Variants in NBEAL2 observed in about 807,000 individuals in gnomAD.
NBEAL2 encodes neurobeachin like 2.
A neutral mutation model predicts 299.8 loss-of-function variants in NBEAL2; 160 were observed. The ratio of observed to expected loss-of-function variants is 0.53; its 90% CI spans 0.47 to 0.61. NBEAL2 has a LOEUF of 0.61. NBEAL2 is among the 20% of genes least tolerant of loss of function. The probability of loss-of-function intolerance (pLI) is 0.00; values close to 1 mark genes in which losing one functional copy is unlikely to be tolerated. For synonymous variants in NBEAL2, 1,493 were observed against 1,542.3 expected, an observed-to-expected ratio of 0.97 and a Z score of 0.75; for missense variants, 3,112 against 3,649.0, an observed-to-expected ratio of 0.85 and a Z score of 3.79.
At position 47,005,384 on chromosome 3, in the gene NBEAL2, C is replaced by T; in HGVS notation, c.6560+63C>T. 2.5e-6 allele frequency: 4 copies of T among 1,575,948 alleles called. No individual in the cohort carries two copies. The South Asian group carries it at 4.6e-5, about 18-fold the overall frequency. On this transcript the variant is annotated intron_variant, in intron 40 of 53. Transcript: ENST00000450053. ...ATAAGGGGAGGAGGCTGGTCCTCCCCACATCCTGGGCCCACCCCTGGCTCC... is the reference window on the plus strand; with the variant it reads ...ATAAGGGGAGGAGGCTGGTCCTCCCTACATCCTGGGCCCACCCCTGGCTCC...
In NBEAL2 at chr3:46,999,397, G is replaced by T. The variant is rs1049164374; in HGVS notation, c.3626G>T (p.Gly1209Val). 8 of 1,602,876 alleles carry T rather than the reference G, an allele frequency of 5.0e-6. No individual in the cohort carries two copies. In the African/African-American group the frequency reaches 1.1e-4, roughly 21 times the overall value. ...CGGCTGCGGGAGTGTGGTCTCCAGG[G>T]TCTGGTTGCCTGCTTGCCTGAGGGG... The part of the protein sequence containing the change: ...RLRLRECGLQ[G>V]LVACLPEGTV... The change falls in exon 25 of 54, where the codon GGT (glycine) becomes GTT (valine). Residue 1209 changes from glycine to valine, a missense_variant. By Grantham distance (109) the Gly-to-Val change is moderately radical (BLOSUM62 -3). Transcript: ENST00000450053.
At chr3:46,997,744 C>A in intron 20 of NBEAL2, 50 bp downstream of exon 20, 1 of 1,439,812 alleles carries the variant, frequency 6.9e-7, no homozygotes, top group Non-Finnish European at 9.1e-7. Flanking sequence ...GTCAGCCTGT[C>A]TGACCGAGGG....
In NBEAL2 at chr3:46,991,715, G is replaced by A; in HGVS notation, c.925+27G>A. 2 of 1,585,204 alleles carry A rather than the reference G, an allele frequency of 1.3e-6. No homozygotes were observed. The highest frequency in any genetic ancestry group is 1.7e-6 in the Non-Finnish European group (2 of 1,169,950). On this transcript the variant is annotated intron_variant, in intron 8 of 53. Transcript: ENST00000450053. The surrounding 1 kb of genome is among the most constrained non-coding windows in gnomAD (Gnocchi z 6.2). ...TGGGTATGGGCTCCCAGGCTCTTGG[G>A]GAAGGGGCACCATGAGGGAAAAGCC...
rs757912836 is a variant in NBEAL2, at chr3:46,995,262, G to A, written c.1527G>A (p.Glu509=). Residue 509 remains glutamate, a synonymous_variant, in exon 13 of 54, where the codon GAG becomes GAA. Transcript: ENST00000450053. ...CACTCAGCACAGGGCTAGCCCTGGA[G>A]GCCCGCTGCCAAGAGCAGCTGCTGG... ...LETLSTGLAL[E]ARCQEQLLAL... The A allele has an allele frequency of 5.8e-6, 9 of 1,559,612 alleles. No homozygotes were observed. The highest frequency in any genetic ancestry group is 6.9e-6 in the Non-Finnish European group (8 of 1,152,522).
At chr3:46,985,781 A>G (rs1372972818) in intron 1 of NBEAL2, among the ~76,000 whole-genome samples, 1 of 152,106 alleles carries the variant, frequency 6.6e-6, no homozygotes, top group Non-Finnish European at 1.5e-5. Context: ...TGACCCAGTT[A>G]GGTTGGGGCA....
rs2035840653 is a variant in NBEAL2 at position 46,988,522 on chromosome 3, C to T, written c.52-147C>T. 4 of 405,674 alleles carry T rather than the reference C, an allele frequency of 9.9e-6. 1 individual carries two copies. The highest frequency in any genetic ancestry group is 9.2e-5 in the South Asian group (4 of 43,426). 25.1% of individuals were successfully genotyped at this position (405,674 alleles called of 1,614,324 possible). On this transcript the variant is annotated intron_variant, in intron 1 of 53. Coordinates refer to ENST00000450053, the MANE Select transcript of NBEAL2 (RefSeq NM_015175.3). This position sits in a 1 kb window ranked among gnomAD's most constrained non-coding sequence, Gnocchi z 4.4. The stretch of plus-strand genomic sequence containing the variant: ...CTCCCCCGTCCCCCACTCCCCTTCT[C>T]CACACCCTCCACTCTGCCTTTAACC...
chr3:47,005,935 C>T lies in NBEAL2; in HGVS notation c.6802-11C>T, dbSNP rs1270965229. 7 of 1,613,356 alleles carry T rather than the reference C, an allele frequency of 4.3e-6. No individual in the cohort carries two copies. The highest frequency in any genetic ancestry group is 5.9e-6 in the Non-Finnish European group (7 of 1,179,746). On this transcript the variant is annotated splice_polypyrimidine_tract_variant and intron_variant, in intron 42 of 53. Transcript: ENST00000450053. ...CTGTCCCTGCACTGATTGCTGCCTC[C>T]CTACTCTCAGGAGTCGGAGTATGTG...
chr3:47,004,506 G>A lies in NBEAL2; in HGVS notation c.6210G>A (p.Gln2070=). Reference sequence around the variant, plus strand: ...GCCCCTGTCCCCAGAAATGGGTACAGCGTGAGATATCCAACTTCGAGTACT... The same window carrying A: ...GCCCCTGTCCCCAGAAATGGGTACAACGTGAGATATCCAACTTCGAGTACT... ...RASGLTQKWV[Q]REISNFEYLM... The change falls in exon 38 of 54, where the codon CAG becomes CAA. Residue 2070 remains glutamine (Q), a synonymous_variant. Transcript: ENST00000450053. This position sits in a 1 kb window ranked among gnomAD's most constrained non-coding sequence, Gnocchi z 5.0. The A allele has an allele frequency of 6.2e-7, 1 of 1,613,794 alleles. No homozygotes were observed.
At chr3:46,992,001 C>T in intron 9 of NBEAL2, 55 bp downstream of exon 9, 1 of 1,434,182 alleles carries the variant, frequency 7.0e-7, no homozygotes, top group Non-Finnish European at 9.6e-7. Context: ...CTAGGGGAGC[C>T]ACGCATAGGT....
intron 50 of NBEAL2, 23 bp downstream of exon 50, chr3:47,008,209 G>A (rs1392463410): frequency 6.2e-7 from 1 of 1,613,612 alleles, no homozygotes; most frequent in African/African-American, 1.3e-5. Flanking sequence ...ATGTGCCCTG[G>A]GGAGGGTGAG....
rs6798959 is a variant in NBEAL2 at position 47,004,732 on chromosome 3, T to C, written c.6294+142T>C. 21 of 399,586 alleles carry C rather than the reference T, an allele frequency of 5.3e-5. No individual in the cohort carries two copies. Among genetic ancestry groups the C allele is most frequent in the South Asian group, 1.2e-4 (3 of 25,998 alleles). The allele number at this position is 399,586 out of a possible 1,614,324, so 24.8% of individuals were successfully genotyped here. A position where few individuals can be genotyped will look rare whatever the true frequency, so the allele number is the denominator to read the frequency against. Reference sequence around the variant, plus strand: ...GTGCCAATGAAGACCTGGCCTCTGTTCCCTGCCAACCCCCAGAGGTCCCCA... The same window carrying C: ...GTGCCAATGAAGACCTGGCCTCTGTCCCCTGCCAACCCCCAGAGGTCCCCA... On this transcript the variant is annotated intron_variant, in intron 38 of 53. Coordinates refer to ENST00000450053, the MANE Select transcript of NBEAL2 (RefSeq NM_015175.3). This position sits in a 1 kb window ranked among gnomAD's most constrained non-coding sequence, Gnocchi z 5.0.
chr3:47,009,447 G>GCTCAGGGATTGGCGGGCGATGTTACCCC lies in NBEAL2; in HGVS notation c.*146_*173dup, dbSNP rs771350275. Reference sequence around the variant, plus strand: ...GGGTGAGCGGGGCCCACCCTGCCCAGCTCAGGGATTGGCGGGCGATGTTAC... The same window carrying GCTCAGGGATTGGCGGGCGATGTTACCCC: ...GGGTGAGCGGGGCCCACCCTGCCCAGCTCAGGGATTGGCGGGCGATGTTACCCCCTCAGGGATTGGCGGGCGATGTTAC... On this transcript the variant is annotated 3_prime_UTR_variant, in exon 54 of 54. Coordinates refer to ENST00000450053, the MANE Select transcript of NBEAL2 (RefSeq NM_015175.3). 2 of 867,806 alleles carry GCTCAGGGATTGGCGGGCGATGTTACCCC rather than the reference G, an allele frequency of 2.3e-6. No individual in the cohort carries two copies. Among genetic ancestry groups the GCTCAGGGATTGGCGGGCGATGTTACCCC allele is most frequent in the Admixed American group, 2.5e-5 (1 of 40,376 alleles). 53.8% of individuals were successfully genotyped at this position (867,806 alleles called of 1,614,324 possible).
Position 46,997,286 on chromosome 3 carries a change from G to C in NBEAL2, c.2677G>C (p.Gly893Arg). 6.2e-7 allele frequency: 1 copy of C among 1,612,826 alleles called. No homozygotes were observed. The highest frequency in any genetic ancestry group is 1.7e-5 in the Admixed American group (1 of 60,000). The stretch of plus-strand genomic sequence containing the variant: ...TGTGGTGAACTGCGTTGGGGGTATG[G>C]GTGCCCTGCTGCCCCTGCTGGAGCG... ...KDVVNCVGGM[G>R]ALLPLLERVA... is the part of the protein sequence containing the mutation. Residue 893 changes from glycine (G) to arginine (R), a missense_variant, in exon 19 of 54, where the codon GGT becomes CGT. By Grantham distance (125) the Gly-to-Arg change is moderately radical (BLOSUM62 -2). This residue lies in a region of NBEAL2 where 2,243 missense variants were observed against 2,538.1 expected (regional missense o/e 0.88). Transcript: ENST00000450053.
chr3:46,995,772 G>A lies in NBEAL2; in HGVS notation c.1957G>A (p.Val653Met), dbSNP rs2036451573. The change falls in exon 14 of 54, where the codon GTG becomes ATG. Residue 653 changes from valine to methionine, a missense_variant. Physicochemically the swap from Val to Met is conservative, Grantham distance 21 (BLOSUM62 1). Transcript: ENST00000450053. Reference protein sequence around the residue: ...EAFFTAAGTLVVAVCTRKEYL... With the variant: ...EAFFTAAGTLMVAVCTRKEYL... ...CTTCTTCACGGCGGCCGGGACCCTG[G>A]TGGTGGCTGTGTGCACACGGAAGGA... 5 of 1,613,768 alleles carry A rather than the reference G, an allele frequency of 3.1e-6. No homozygotes were observed. Among genetic ancestry groups the A allele is most frequent in the Non-Finnish European group, 3.4e-6 (4 of 1,179,878 alleles).
chr3:47,001,964 T>C lies in NBEAL2; in HGVS notation c.4827T>C (p.Thr1609=). ...AYVRLHMLLQ[T]AVPARREEAC... The stretch of plus-strand genomic sequence containing the variant: ...TGAGATTGCACATGCTGCTACAGAC[T>C]GCAGTGCCAGCCCGCCGCGAGGAGG... The change falls in exon 31 of 54, where the codon ACT becomes ACC. Residue 1609 remains threonine (T), a synonymous_variant. Transcript: ENST00000450053. The surrounding 1 kb of genome is among the most constrained non-coding windows in gnomAD (Gnocchi z 6.1). 1.2e-6 allele frequency: 2 copies of C among 1,609,548 alleles called. 1 individual carries two copies. The highest frequency in any genetic ancestry group is 2.2e-5 in the South Asian group (2 of 91,006).
chr3:46,995,937 C>T lies in NBEAL2; in HGVS notation c.2037C>T (p.Cys679=), dbSNP rs1234289615. 7.4e-6 allele frequency: 12 copies of T among 1,613,256 alleles called. No individual in the cohort carries two copies. Among genetic ancestry groups the T allele is most frequent in the African/African-American group, 4.0e-5 (3 of 74,940 alleles). ...ATGTGAGGCTTCTGTTCTAGCACTGCGTGGCTATCGTCCATGTGCCTGGGC... is the reference window on the plus strand; with the variant it reads ...ATGTGAGGCTTCTGTTCTAGCACTGTGTGGCTATCGTCCATGTGCCTGGGC... The part of the protein sequence containing the change: ...EVSFADSAWH[C]VAIVHVPGRR... Residue 679 remains cysteine (C), a synonymous_variant, in exon 15 of 54, where the codon TGC becomes TGT. Coordinates refer to ENST00000450053, the MANE Select transcript of NBEAL2 (RefSeq NM_015175.3).
rs13066214 is a variant in NBEAL2 at position 46,992,447 on chromosome 3, C to T, written c.1033-28C>T. On this transcript the variant is annotated intron_variant, in intron 9 of 53. Coordinates refer to ENST00000450053, the MANE Select transcript of NBEAL2 (RefSeq NM_015175.3). The stretch of plus-strand genomic sequence containing the variant: ...TTCCTCCTCTCTTCTTTGCCTCCTC[C>T]ACCCTGTGCCTCCCCACTTCCCCAC... 0.56 allele frequency: 881,261 copies of T among 1,582,038 alleles called. 249,822 individuals carry two copies. The highest frequency in any genetic ancestry group is 0.58 in the Non-Finnish European group (671,743 of 1,161,648).
rs1225527977 is a variant in NBEAL2, at chr3:46,989,279, C to T, written c.371C>T (p.Pro124Leu). Reference protein sequence around the residue: ...LVAELKGCPPPQGRGTQLENV... With the variant: ...LVAELKGCPPLQGRGTQLENV... ...CTACAGCTGAAAGGATGCCCACCAC[C>T]CCAGGGCCGAGGCACGCAGTTGGAG... The change falls in exon 5 of 54, where the codon CCC (proline) becomes CTC (leucine). Residue 124 changes from proline (P) to leucine (L), a missense_variant. By Grantham distance (98) the Pro-to-Leu change is moderately conservative (BLOSUM62 -3). Coordinates refer to ENST00000450053, the MANE Select transcript of NBEAL2 (RefSeq NM_015175.3). The surrounding 1 kb of genome is among the most constrained non-coding windows in gnomAD (Gnocchi z 5.5). The T allele has an allele frequency of 1.2e-6, 2 of 1,610,982 alleles. No homozygotes were observed. Among genetic ancestry groups the T allele is most frequent in the Non-Finnish European group, 1.7e-6 (2 of 1,178,568 alleles).
chr3:46,993,195 CA>C (rs1360835068), intron 10 of NBEAL2, among the ~76,000 whole-genome samples: 2 of 152,338 alleles, frequency 1.3e-5, no homozygotes, highest in South Asian at 2.1e-4. Flanking sequence ...GCAGGCAGGG[CA>C]AAGTGACTCC....
Sources: gnomAD v4.1 joint callset for allele counts (sites outside exome capture counted in the v4.1 genomes callset) on GRCh38, gnomAD v4.1.1 for gene constraint, gnomAD v4.1.1 regional missense constraint, Gnocchi (gnomAD v3.1) non-coding constraint, MANE v1.5 for transcripts, NCBI Gene and HGNC (gene_info 2026-07-23, HGNC 2026-07-21) for gene names.